C17orf67: variants seen among roughly 807,000 people sequenced by gnomAD.
C17orf67 encodes the protein chromosome 17 open reading frame 67, also known as uncharacterized protein C17orf67.
Under a neutral mutation model 11.2 loss-of-function variants are expected in C17orf67, and 12 were observed. The observed-to-expected ratio is 1.07, with a 90% CI of 0.68 to 1.73. The LOEUF is 1.73. Ranked by LOEUF, C17orf67 falls within the 40% of genes most tolerant of loss-of-function variation. The pLI, the probability that C17orf67 is intolerant of heterozygous loss-of-function variation, is 0.00. For synonymous variants in C17orf67, 59 were observed against 46.9 expected (o/e 1.26, Z -1.05); for missense variants, 115 against 113.5 (o/e 1.01, Z -0.06).
chr17:56,822,636 C>T (rs1306934936), intron 4 of C17orf67, among the ~76,000 whole-genome samples: 2 of 152,170 alleles, frequency 1.3e-5, no homozygotes, highest in Non-Finnish European at 2.9e-5. Flanking sequence ...TTTGCATATG[C>T]ACTCTATTTT....
At position 56,825,960 on chromosome 17, in the gene C17orf67, T is replaced by TGC. The variant is rs1555594195; in HGVS notation, c.-556-641_-556-640dup. On this transcript the variant is annotated intron_variant, in intron 2 of 7. Coordinates refer to ENST00000397861, the MANE Select transcript of C17orf67 (RefSeq NM_001085430.4). ...AAACCTGTGAGTGTGTGTGTGTGTG[T>TGC]GCACGCGTGTGTGTGACGGAGTCTC... Among the ~76,000 whole-genome samples the TGC allele has an allele frequency of 4.1e-3, 617 of 150,988 alleles. 7 individuals carry two copies. Among genetic ancestry groups the TGC allele is most frequent in the Middle Eastern group, 0.021 (6 of 290 alleles).
intron 6 of C17orf67, among the ~76,000 whole-genome samples, chr17:56,796,001 T>C (rs947781804): frequency 2.0e-5 from 3 of 152,216 alleles, no homozygotes; most frequent in African/African-American, 7.2e-5. Context: ...GATAAAATCA[T>C]CTTTTTTAAA....
rs749616616 is a variant in C17orf67, at chr17:56,815,741, G to C, written c.55+15C>G. 6.3e-7 allele frequency: 1 copy of C among 1,587,952 alleles called. No homozygotes were observed. Among genetic ancestry groups the C allele is most frequent in the Non-Finnish European group, 8.6e-7 (1 of 1,163,112 alleles). On this transcript the variant is annotated intron_variant, in intron 5 of 7. Coordinates refer to ENST00000397861, the MANE Select transcript of C17orf67 (RefSeq NM_001085430.4). ...GTCAGCATAGAAATAGGCTGTTTTT[G>C]GAGTCAGTGCCCACCTGAGAAGACA...
intron 4 of C17orf67, 81 bp from the exon 5 acceptor site, chr17:56,816,091 T>A: frequency 2.6e-6 from 1 of 390,610 alleles, no homozygotes; most frequent in Non-Finnish European, 4.7e-6. Flanking sequence ...TCACTTCATT[T>A]AAACAGACAG....
intron 6 of C17orf67, among the ~76,000 whole-genome samples, chr17:56,811,572 C>T (rs547552564): frequency 1.6e-4 from 25 of 151,786 alleles, no homozygotes; most frequent in African/African-American, 6.1e-4. Context: ...CTTGCAGAGC[C>T]GCAGTCCATT....
At chr17:56,798,397 T>C (rs970717) in intron 6 of C17orf67, among the ~76,000 whole-genome samples, 18,100 of 152,184 alleles carry the variant, frequency 0.12, 1,170 homozygotes, top group South Asian at 0.16. Context: ...ATATCCCCTG[T>C]CTTCACACAG....
intron 6 of C17orf67, among the ~76,000 whole-genome samples, chr17:56,808,518 TG>T (rs1337704314): frequency 6.6e-6 from 1 of 152,162 alleles, no homozygotes; most frequent in Admixed American, 6.5e-5. Flanking sequence ...CCATCCCCTC[TG>T]GGCCTTGCCT....
At position 56,833,786 on chromosome 17, in the gene C17orf67, CTGGGCCCCGCGCGGCGCGGTGCT is replaced by C. The variant is rs1461936017; in HGVS notation, c.-1193_-1171del. On this transcript the variant is annotated 5_prime_UTR_variant, in exon 1 of 8. It introduces an in-frame stop codon into an upstream open reading frame of the 5' UTR. Transcript: ENST00000397861. ...CGAGCGGCGGGCGTGAGCGCGGCCCCTGGGCCCCGCGCGGCGCGGTGCTGCGAGGAGGATCCTCGTGGCCTTGC... is the reference window on the plus strand; with the variant it reads ...CGAGCGGCGGGCGTGAGCGCGGCCCCGCGAGGAGGATCCTCGTGGCCTTGC... 5 of 151,934 alleles carry C rather than the reference CTGGGCCCCGCGCGGCGCGGTGCT, an allele frequency of 3.3e-5. No homozygotes were observed. The highest frequency in any genetic ancestry group is 1.2e-4 in the African/African-American group (5 of 41,414). 9.4% of individuals were successfully genotyped at this position (151,934 alleles called of 1,614,324 possible).
chr17:56,801,308 T>G lies in C17orf67; in HGVS notation c.157-6128A>C, dbSNP rs1314537863. On this transcript the variant is annotated intron_variant, in intron 6 of 7. Coordinates refer to ENST00000397861, the MANE Select transcript of C17orf67 (RefSeq NM_001085430.4). ...ATTTGTGATGTGATTAAATTGTTTT[T>G]GGCATGTATCAATATCATAAAAACT... 2.6e-5 allele frequency among the ~76,000 whole-genome samples: 4 copies of G among 152,204 alleles called. No homozygotes were observed. In the East Asian group the frequency reaches 7.7e-4, roughly 29 times the overall value.
intron 4 of C17orf67, among the ~76,000 whole-genome samples, chr17:56,822,264 G>A (rs1353638274): frequency 2.0e-5 from 3 of 152,314 alleles, no homozygotes; most frequent in Non-Finnish European, 4.4e-5. Flanking sequence ...GGGTGCTATT[G>A]CATCTAAGTT....
chr17:56,812,350 A>C (rs1029110943), intron 6 of C17orf67, among the ~76,000 whole-genome samples: 2 of 152,192 alleles, frequency 1.3e-5, no homozygotes, highest in Admixed American at 1.3e-4. Flanking sequence ...TGGGTGCCAA[A>C]AGCAATGCCC....
At chr17:56,832,539 C>G (rs1167723357) in intron 2 of C17orf67, among the ~76,000 whole-genome samples, 1 of 152,182 alleles carries the variant, frequency 6.6e-6, no homozygotes, top group Non-Finnish European at 1.5e-5. Flanking sequence ...AGCAAAGGGC[C>G]TATCTCCCAG....
chr17:56,819,469 G>A lies in C17orf67; in HGVS notation c.-200-3459C>T, dbSNP rs149627513. On this transcript the variant is annotated intron_variant, in intron 4 of 7. Transcript: ENST00000397861. ...TCCTTCACTGGTAAGCTTTAAGCAA[G>A]CTTGTATTATTTTTATAATTTTTTA... 4.7e-3 allele frequency among the ~76,000 whole-genome samples: 719 copies of A among 152,252 alleles called. 2 individuals carry two copies. The highest frequency in any genetic ancestry group is 0.016 in the African/African-American group (683 of 41,532).
At chr17:56,802,954 T>G (rs1237412403) in intron 6 of C17orf67, among the ~76,000 whole-genome samples, 1 of 152,268 alleles carries the variant, frequency 6.6e-6, no homozygotes, top group Non-Finnish European at 1.5e-5. Context: ...GTAAAATGAC[T>G]GGCGCCTTAG....
chr17:56,817,014 T>TA (rs370161179), intron 4 of C17orf67, among the ~76,000 whole-genome samples: 21 of 152,012 alleles, frequency 1.4e-4, no homozygotes, highest in African/African-American at 5.1e-4. Flanking sequence ...AACACTCAAT[T>TA]AACTTTTTTA....
At chr17:56,828,188 C>G (rs1183110796) in intron 2 of C17orf67, among the ~76,000 whole-genome samples, 1 of 150,724 alleles carries the variant, frequency 6.6e-6, no homozygotes, top group Non-Finnish European at 1.5e-5. Flanking sequence ...GGTGGATCAT[C>G]TGAGGTTGGG....
chr17:56,821,859 G>A (rs1221574862), intron 4 of C17orf67, among the ~76,000 whole-genome samples: 1 of 152,218 alleles, frequency 6.6e-6, no homozygotes, highest in Non-Finnish European at 1.5e-5. Flanking sequence ...TGGGATGGTG[G>A]CAGACATGAC....
intron 6 of C17orf67, among the ~76,000 whole-genome samples, chr17:56,799,179 C>A (rs1049231104): frequency 2.6e-5 from 4 of 152,210 alleles, no homozygotes; most frequent in Non-Finnish European, 5.9e-5. Context: ...CTAGCACTAC[C>A]ATTGCAATAT....
intron 6 of C17orf67, among the ~76,000 whole-genome samples, chr17:56,797,846 T>C (rs1905241793): frequency 6.6e-6 from 1 of 152,214 alleles, no homozygotes; most frequent in Non-Finnish European, 1.5e-5. Flanking sequence ...GTTCAGGCTG[T>C]GAATTTTCTG....
Sources: gnomAD v4.1 joint callset for allele counts (sites outside exome capture counted in the v4.1 genomes callset) on GRCh38, gnomAD v4.1.1 for gene constraint, MANE v1.5 for transcripts, NCBI Gene and HGNC (gene_info 2026-07-23, HGNC 2026-07-21) for gene names.